Variants in PIWIL3 observed in about 807,000 individuals in gnomAD.
The protein encoded by PIWIL3 is piwi-like protein 3.
PIWIL3 carries 101 observed loss-of-function variants against 109.7 expected under a neutral mutation model. The observed-to-expected ratio is 0.92, with a 90% CI of 0.78 to 1.09. The LOEUF is 1.09. Ranked by LOEUF, PIWIL3 falls within the 50% of genes least tolerant of loss-of-function variation. PIWIL3 has a pLI of 0.00. For synonymous variants in PIWIL3, 373 were observed against 376.4 expected (o/e 0.99, Z 0.10); for missense variants, 1,031 against 1,072.6 (o/e 0.96, Z 0.54).
rs202180618 is a variant in PIWIL3, at chr22:24,734,072, C to G, written c.1707+12G>C. The G allele has an allele frequency of 1.6e-4, 259 of 1,604,728 alleles. No individual in the cohort carries two copies. The highest frequency in any genetic ancestry group is 2.1e-4 in the Non-Finnish European group (253 of 1,177,248). On this transcript the variant is annotated intron_variant, in intron 14 of 20. Coordinates refer to ENST00000616349, the MANE Select transcript of PIWIL3 (RefSeq NM_001255975.1). ...AACTAAAAGATTGTACATGTATCAA[C>G]TAGACACTTACCATCTGCAGTGTTG... is the stretch of plus-strand genomic sequence containing the variant.
In PIWIL3 at chr22:24,735,732, C is replaced by A. The variant is rs775080682; in HGVS notation, c.1610G>T (p.Gly537Val). Residue 537 changes from glycine to valine, a missense_variant, in exon 13 of 21, where the codon GGC becomes GTC. Coordinates refer to ENST00000616349, the MANE Select transcript of PIWIL3 (RefSeq NM_001255975.1). ...CATTTCTGCTGGTTTCATAGTTATG[C>A]CCATGGGGGCTGTGACACTCTGTAG... ...GHLQSVTAPMGITMKPAEMIE... is the reference protein window; with the variant it reads ...GHLQSVTAPMVITMKPAEMIE... 1 of 1,605,066 alleles carries A rather than the reference C, an allele frequency of 6.2e-7. No homozygotes were observed. Among genetic ancestry groups the A allele is most frequent in the Non-Finnish European group, 8.5e-7 (1 of 1,177,728 alleles).
intron 20 of PIWIL3, 63 bp from the exon 21 acceptor site, chr22:24,719,651 T>C: frequency 6.5e-7 from 1 of 1,532,890 alleles, no homozygotes; most frequent in Non-Finnish European, 8.9e-7. Flanking sequence ...TTTCCCTAAA[T>C]TTAAATTCAT....
In PIWIL3 at chr22:24,724,911, T is replaced by C; in HGVS notation, c.2207A>G (p.Tyr736Cys). 1 of 1,614,054 alleles carries C rather than the reference T, an allele frequency of 6.2e-7. No homozygotes were observed. The highest frequency in any genetic ancestry group is 8.5e-7 in the Non-Finnish European group (1 of 1,179,972). The change falls in exon 18 of 21, where the codon TAC becomes TGC. Residue 736 changes from tyrosine (Y) to cysteine (C), a missense_variant. Physicochemically the swap from Tyr to Cys is radical, Grantham distance 194. Transcript: ENST00000616349. The stretch of plus-strand genomic sequence containing the variant: ...CTTGTTAGGAGAGATGGTTTTTAAG[T>C]AGGTCGACATCTTTTTCGCTTCATG... ...LDHEAKKMST[Y>C]LKTISPNNFT...
chr22:24,720,758 A>G (rs890085430), intron 19 of PIWIL3, among the ~76,000 whole-genome samples: 5 of 151,366 alleles, frequency 3.3e-5, no homozygotes, highest in African/African-American at 1.2e-4. Flanking sequence ...ATTTTACTTC[A>G]TTTCTCCTCA....
chr22:24,754,783 CCCA>C lies in PIWIL3; in HGVS notation c.771_773del (p.Gly258del), dbSNP rs2147704519. ...TGTGAAATTTTCTACTTTATACAAA[CCCA>C]TGACGGTATAACTGAATGGCCTTCT... is the stretch of plus-strand genomic sequence containing the variant. On this transcript the variant is annotated inframe_deletion and splice_region_variant, in exon 7 of 21. Transcript: ENST00000616349. 1 of 1,596,892 alleles carries C rather than the reference CCCA, an allele frequency of 6.3e-7. No individual in the cohort carries two copies. Among genetic ancestry groups the C allele is most frequent in the East Asian group, 2.2e-5 (1 of 44,740 alleles).
At chr22:24,746,095 C>G (rs980944927) in intron 12 of PIWIL3, among the ~76,000 whole-genome samples, 20 of 152,252 alleles carry the variant, frequency 1.3e-4, no homozygotes, top group African/African-American at 4.8e-4. Flanking sequence ...ACTTCCAAGT[C>G]ATTTCATGAA....
intron 14 of PIWIL3, among the ~76,000 whole-genome samples, chr22:24,732,969 A>G (rs377057963): frequency 6.6e-6 from 1 of 152,190 alleles, no homozygotes; most frequent in Admixed American, 6.5e-5. Flanking sequence ...CTGGTTCCCA[A>G]TGGGGGCTTC....
intron 1 of PIWIL3, among the ~76,000 whole-genome samples, chr22:24,767,374 AAAAAAAAT>A (rs1432730828): frequency 1.2e-5 from 1 of 82,294 alleles, no homozygotes; most frequent in South Asian, 3.9e-4. Flanking sequence ...CGTCTCTACT[AAAAAAAAT>A]AAATAAATAA....
chr22:24,751,534 A>G, intron 8 of PIWIL3, 36 bp from the exon 9 acceptor site: 1 of 1,598,088 alleles, frequency 6.3e-7, no homozygotes, highest in Non-Finnish European at 8.5e-7. Flanking sequence ...TATTTGACTT[A>G]TTCATCACAT....
At chr22:24,727,077 C>T (rs1306649898) in intron 16 of PIWIL3, among the ~76,000 whole-genome samples, 1 of 152,210 alleles carries the variant, frequency 6.6e-6, no homozygotes, top group Non-Finnish European at 1.5e-5. Context: ...AGATCCTATA[C>T]TTACAGATCT....
At chr22:24,719,942 T>A in intron 19 of PIWIL3, 47 bp from the exon 20 acceptor site, 1 of 1,475,368 alleles carries the variant, frequency 6.8e-7, no homozygotes. Context: ...AGAAAGAGGG[T>A]ATATAGTAAA....
In PIWIL3 at chr22:24,768,882, C is replaced by G. The variant is rs1422424115; in HGVS notation, c.-23+5440G>C. Among the ~76,000 whole-genome samples, 4 of 152,306 alleles carry G rather than the reference C, an allele frequency of 2.6e-5. No individual in the cohort carries two copies. The East Asian group carries it at 7.7e-4, about 29-fold the overall frequency. On this transcript the variant is annotated intron_variant, in intron 1 of 20. Coordinates refer to ENST00000616349, the MANE Select transcript of PIWIL3 (RefSeq NM_001255975.1). ...ATGTGAACAAATATGGTTTTTCTCC[C>G]TGCTCCAGCCTCAGCCTTGGCCATG... is the stretch of plus-strand genomic sequence containing the variant.
At chr22:24,732,843 C>A (rs1923434743) in intron 14 of PIWIL3, among the ~76,000 whole-genome samples, 1 of 152,082 alleles carries the variant, frequency 6.6e-6, no homozygotes, top group African/African-American at 2.4e-5. Flanking sequence ...TAATCTTGAG[C>A]TTTTCAGGCA....
intron 16 of PIWIL3, among the ~76,000 whole-genome samples, chr22:24,726,498 T>C (rs564622164): frequency 2.0e-5 from 3 of 152,034 alleles, no homozygotes; most frequent in Admixed American, 2.0e-4. Flanking sequence ...TGTTAGCCAG[T>C]ATGGTCTCGA....
intron 18 of PIWIL3, among the ~76,000 whole-genome samples, chr22:24,723,670 G>A (rs1329794393): frequency 6.6e-6 from 1 of 152,136 alleles, no homozygotes; most frequent in African/African-American, 2.4e-5. Flanking sequence ...GGCAGACTAT[G>A]TTCATGGATT....
At chr22:24,745,717 G>GAAAAAAAAAAAAAAAAAAAAA (rs71189273) in intron 12 of PIWIL3, among the ~76,000 whole-genome samples, 2 of 80,252 alleles carry the variant, frequency 2.5e-5, no homozygotes, top group African/African-American at 4.7e-5. Context: ...GTCAGACTAA[G>GAAAAAAAAAAAAAAAAAAAAA]AAAAAAAAAA....
chr22:24,725,442 G>A lies in PIWIL3; in HGVS notation c.2080+3C>T, dbSNP rs142971267. 3.6e-3 allele frequency: 5,845 copies of A among 1,613,608 alleles called. 13 individuals carry two copies. Among genetic ancestry groups the A allele is most frequent in the Admixed American group, 5.1e-3 (309 of 60,036 alleles). On this transcript the variant is annotated splice_donor_region_variant and intron_variant, in intron 17 of 20. Coordinates refer to ENST00000616349, the MANE Select transcript of PIWIL3 (RefSeq NM_001255975.1). ...GGTTCCCCGACCGCTACAAGACACT[G>A]ACCTTTCAAGCAGATCTCCAGCTCT...
At position 24,749,409 on chromosome 22, in the gene PIWIL3, T is replaced by C. The variant is rs549270968; in HGVS notation, c.1329A>G (p.Leu443=). The C allele has an allele frequency of 3.7e-6, 6 of 1,613,836 alleles. No individual in the cohort carries two copies. The highest frequency in any genetic ancestry group is 1.7e-5 in the Admixed American group (1 of 60,006). ...GCCAGAAAAGCAGCACTTACTCTTGTAGAGTATTGATGAATTCTTTTAATG... is the reference window on the plus strand; with the variant it reads ...GCCAGAAAAGCAGCACTTACTCTTGCAGAGTATTGATGAATTCTTTTAATG... ...HHTLKEFINT[L]QDNKKVRELL... The change falls in exon 11 of 21, where the codon CTA becomes CTG. Residue 443 remains leucine, a synonymous_variant. Coordinates refer to ENST00000616349, the MANE Select transcript of PIWIL3 (RefSeq NM_001255975.1).
intron 19 of PIWIL3, among the ~76,000 whole-genome samples, chr22:24,721,697 A>G (rs1434264972): frequency 6.6e-6 from 1 of 152,168 alleles, no homozygotes; most frequent in Non-Finnish European, 1.5e-5. Flanking sequence ...CATGTTTGTT[A>G]GATATTCAAA....
Sources: gnomAD v4.1 joint callset for allele counts (sites outside exome capture counted in the v4.1 genomes callset) on GRCh38, gnomAD v4.1.1 for gene constraint, MANE v1.5 for transcripts, NCBI Gene and HGNC (gene_info 2026-07-23, HGNC 2026-07-21) for gene names.